Variants in NTRK2 observed in about 807,000 individuals in gnomAD.
NTRK2 encodes the protein neurotrophic receptor tyrosine kinase 2, also known as BDNF/NT-3 growth factors receptor.
NTRK2 carries 13 observed loss-of-function variants against 94.5 expected under a neutral mutation model. The ratio of observed to expected loss-of-function variants is 0.14; its 90% CI spans 0.09 to 0.22. The LOEUF is 0.22. Among genes scored for constraint, NTRK2 ranks in the 10% least tolerant of loss-of-function variants. The pLI is 1.00. For synonymous variants in NTRK2, 372 were observed against 407.4 expected, an observed-to-expected ratio of 0.91 and a Z score of 1.05; for missense variants, 639 against 1,071.2, an observed-to-expected ratio of 0.60 and a Z score of 5.63.
intron 12 of NTRK2, among the ~76,000 whole-genome samples, chr9:84,857,507 C>T (rs145841410): frequency 8.7e-4 from 133 of 152,230 alleles, no homozygotes; most frequent in African/African-American, 3.0e-3. Flanking sequence ...AGTTTTAAGA[C>T]GACTGCTTAA....
intron 12 of NTRK2, among the ~76,000 whole-genome samples, chr9:84,764,975 A>G (rs182973789): frequency 6.6e-6 from 1 of 152,336 alleles, no homozygotes; most frequent in Admixed American, 6.5e-5. Flanking sequence ...CAAACATAGC[A>G]TATTCTCACT....
intron 17 of NTRK2, among the ~76,000 whole-genome samples, chr9:84,976,940 T>A (rs549560673): frequency 6.6e-6 from 1 of 152,380 alleles, no homozygotes; most frequent in Admixed American, 6.5e-5. Flanking sequence ...GCTTCCTGTG[T>A]GTATATGTAG....
At chr9:85,012,204 G>T (rs983768407) in intron 17 of NTRK2, among the ~76,000 whole-genome samples, 2 of 151,822 alleles carry the variant, frequency 1.3e-5, no homozygotes, top group Admixed American at 6.6e-5. Context: ...GGCCAGGATG[G>T]TCTCGATCTC....
At chr9:85,003,863 A>G (rs938715402) in intron 17 of NTRK2, among the ~76,000 whole-genome samples, 14 of 150,306 alleles carry the variant, frequency 9.3e-5, no homozygotes, top group Non-Finnish European at 1.8e-4. Flanking sequence ...GGCTGAAAGA[A>G]CCTGATGGTG....
intron 17 of NTRK2, among the ~76,000 whole-genome samples, chr9:84,970,745 C>T (rs997019829): frequency 1.3e-5 from 2 of 152,236 alleles, no homozygotes; most frequent in Non-Finnish European, 2.9e-5. Flanking sequence ...CCATCCTATC[C>T]AGCAACTTCA....
chr9:84,938,582 T>C (rs2078289089), intron 15 of NTRK2, among the ~76,000 whole-genome samples: 1 of 152,228 alleles, frequency 6.6e-6, no homozygotes, highest in Non-Finnish European at 1.5e-5. Context: ...ATGAATGGCA[T>C]TGAATGTCTG....
At chr9:84,954,319 C>G (rs1282723457) in intron 16 of NTRK2, among the ~76,000 whole-genome samples, 2 of 152,216 alleles carry the variant, frequency 1.3e-5, no homozygotes, top group South Asian at 2.1e-4. Context: ...GATGTCACAG[C>G]AGAGCCTGCC....
At chr9:84,940,335 G>A (rs993202290) in intron 15 of NTRK2, among the ~76,000 whole-genome samples, 3 of 152,204 alleles carry the variant, frequency 2.0e-5, no homozygotes, top group Non-Finnish European at 4.4e-5. Context: ...ATCTGAGGCA[G>A]CCCTGGTGAC....
chr9:84,771,697 A>G (rs2066560611), intron 12 of NTRK2, among the ~76,000 whole-genome samples: 1 of 152,202 alleles, frequency 6.6e-6, no homozygotes, highest in Admixed American at 6.5e-5. Context: ...GATGAAGCTC[A>G]GGTGTCACTT....
intron 14 of NTRK2, among the ~76,000 whole-genome samples, chr9:84,927,660 C>T (rs572708702): frequency 6.6e-6 from 1 of 152,190 alleles, no homozygotes; most frequent in Admixed American, 6.5e-5. Flanking sequence ...AACCCTGCCT[C>T]TTACTAATTA....
At chr9:84,944,218 C>CACACACACAG (rs2078517437) in intron 15 of NTRK2, among the ~76,000 whole-genome samples, 1 of 128,306 alleles carries the variant, frequency 7.8e-6, no homozygotes, top group Non-Finnish European at 1.5e-5. Context: ...CTCTCTCTCA[C>CACACACACAG]ACACACACAC....
At chr9:84,714,923 T>C (rs2061623195) in intron 6 of NTRK2, among the ~76,000 whole-genome samples, 1 of 152,188 alleles carries the variant, frequency 6.6e-6, no homozygotes, top group Non-Finnish European at 1.5e-5. Context: ...ACTGTGGCCA[T>C]TGTATTTAGT....
At chr9:84,941,926 G>A (rs2078423943) in intron 15 of NTRK2, among the ~76,000 whole-genome samples, 1 of 152,144 alleles carries the variant, frequency 6.6e-6, no homozygotes, top group Non-Finnish European at 1.5e-5. Context: ...TTTCCCTTTG[G>A]ATAGTTGCCT....
chr9:84,807,206 T>C (rs562587608), intron 12 of NTRK2, among the ~76,000 whole-genome samples: 23 of 152,228 alleles, frequency 1.5e-4, no homozygotes, highest in Non-Finnish European at 3.1e-4. Flanking sequence ...TTCTGAGTAA[T>C]AGGAGGAAAA....
At chr9:84,752,146 C>G (rs1474289725) in intron 12 of NTRK2, 61 bp downstream of exon 12, 6 of 1,216,666 alleles carry the variant, frequency 4.9e-6, no homozygotes, top group Non-Finnish European at 7.3e-6. Context: ...ATGACTAATG[C>G]TAATTACCAC....
chr9:84,857,798 A>G (rs2075137706), intron 12 of NTRK2, among the ~76,000 whole-genome samples: 1 of 152,140 alleles, frequency 6.6e-6, no homozygotes. Context: ...AACGAATCCT[A>G]GGTAGAGAGT....
chr9:84,907,577 G>C (rs1290557177), intron 14 of NTRK2, among the ~76,000 whole-genome samples: 1 of 152,052 alleles, frequency 6.6e-6, no homozygotes, highest in African/African-American at 2.4e-5. Flanking sequence ...GCTTAATTCT[G>C]TTCAGGGTGG....
intron 14 of NTRK2, among the ~76,000 whole-genome samples, chr9:84,923,376 A>G (rs2077632525): frequency 6.6e-6 from 1 of 152,110 alleles, no homozygotes; most frequent in Non-Finnish European, 1.5e-5. Flanking sequence ...TGTTATTGTC[A>G]TTGATATATT....
At chr9:84,846,873 GCTGCAAATGCTCATTTCTTCATAGGC>G (rs2074499980) in intron 12 of NTRK2, among the ~76,000 whole-genome samples, 1 of 152,200 alleles carries the variant, frequency 6.6e-6, no homozygotes, top group Non-Finnish European at 1.5e-5. Flanking sequence ...AGCAACTGGA[GCTGCAAATGCTCATTTCTTCATAGGC>G]ATGGGCTGGG....
Sources: gnomAD v4.1 joint callset for allele counts (sites outside exome capture counted in the v4.1 genomes callset) on GRCh38, gnomAD v4.1.1 for gene constraint, MANE v1.5 for transcripts, NCBI Gene and HGNC (gene_info 2026-07-23, HGNC 2026-07-21) for gene names.